CLTB: variants seen among roughly 807,000 people sequenced by gnomAD.
The protein encoded by CLTB is clathrin, light chain (Lcb).
A neutral mutation model predicts 30.5 loss-of-function variants in CLTB; 10 were observed. The observed-to-expected ratio is 0.33, with a 90% CI of 0.20 to 0.56. The LOEUF is 0.56. Ranked by LOEUF, CLTB falls within the 20% of genes least tolerant of loss-of-function variation. The pLI is 0.91. For synonymous variants in CLTB, 102 were observed against 120.3 expected, an observed-to-expected ratio of 0.85 and a Z score of 1.00; for missense variants, 261 against 308.3, an observed-to-expected ratio of 0.85 and a Z score of 1.15.
rs1220539969 is a variant in CLTB, at chr5:176,392,578, G to A, written c.*196C>T. 1.2e-5 allele frequency: 7 copies of A among 594,094 alleles called. No homozygotes were observed. Among genetic ancestry groups the A allele is most frequent in the South Asian group, 4.2e-5 (2 of 47,170 alleles). 36.8% of individuals were successfully genotyped at this position (594,094 alleles called of 1,614,324 possible). A position where few individuals can be genotyped will look rare whatever the true frequency, so the allele number is the denominator to read the frequency against. ...ACAATTGAGTAGACTGAGAGGAGGC[G>A]TGAGGGGCTGGACCAGAGGGCCAGG... On this transcript the variant is annotated 3_prime_UTR_variant, in exon 6 of 6. Coordinates refer to ENST00000310418, the MANE Select transcript of CLTB (RefSeq NM_007097.5). This position sits in a 1 kb window ranked among gnomAD's most constrained non-coding sequence, Gnocchi z 5.2.
intron 1 of CLTB, among the ~76,000 whole-genome samples, chr5:176,412,940 G>C (rs149008623): frequency 6.6e-6 from 1 of 152,042 alleles, no homozygotes; most frequent in Non-Finnish European, 1.5e-5. Context: ...TGGCCTTCTC[G>C]AGAATTTGCA....
chr5:176,408,588 A>G (rs1757255927), intron 2 of CLTB, among the ~76,000 whole-genome samples: 1 of 151,686 alleles, frequency 6.6e-6, no homozygotes, highest in African/African-American at 2.4e-5. Flanking sequence ...TAGTGTAATC[A>G]TAGTCACTGC....
rs1305091714 is a variant in CLTB at position 176,416,218 on chromosome 5, C to G, written c.146G>C (p.Gly49Ala). 2 of 1,598,280 alleles carry G rather than the reference C, an allele frequency of 1.3e-6. No individual in the cohort carries two copies. Among genetic ancestry groups the G allele is most frequent in the Admixed American group, 3.4e-5 (2 of 58,962 alleles). The change falls in exon 1 of 6, where the codon GGC (glycine) becomes GCC (alanine). Residue 49 changes from glycine (G) to alanine (A), a missense_variant. Transcript: ENST00000310418. ...CGGCTGCGCGGGGGCCGCATGGCTG[C>G]CGGCAGGTGCCCCGAAGCCCTCGTC... ...ENDEGFGAPA[G>A]SHAAPAQPGP...
chr5:176,416,324 C>G lies in CLTB; in HGVS notation c.40G>C (p.Gly14Arg). 1 of 1,602,260 alleles carries G rather than the reference C, an allele frequency of 6.2e-7. No individual in the cohort carries two copies. ...DFGFFSSSES[G>R]APEAAEEDPA... ...TCCTCCTCCGCCGCCTCCGGGGCAC[C>G]GCTCTCCGACGACGAGAAGAAGCCA... Residue 14 changes from glycine to arginine, a missense_variant, in exon 1 of 6, where the codon GGT becomes CGT. Transcript: ENST00000310418.
At chr5:176,410,507 C>T (rs960751465) in intron 1 of CLTB, among the ~76,000 whole-genome samples, 5 of 152,170 alleles carry the variant, frequency 3.3e-5, no homozygotes, top group Non-Finnish European at 7.3e-5. Context: ...GCCATTAGTA[C>T]ATTTTATGTT....
In CLTB at chr5:176,416,325, G is replaced by T; in HGVS notation, c.39C>A (p.Ser13Arg). ...CCTCCTCCGCCGCCTCCGGGGCACC[G>T]CTCTCCGACGACGAGAAGAAGCCAA... ...DDFGFFSSSESGAPEAAEEDP... is the reference protein window; with the variant it reads ...DDFGFFSSSERGAPEAAEEDP... The change falls in exon 1 of 6, where the codon AGC becomes AGA. Residue 13 changes from serine to arginine, a missense_variant. By Grantham distance (110) the Ser-to-Arg change is moderately radical. Transcript: ENST00000310418. 1 of 1,602,100 alleles carries T rather than the reference G, an allele frequency of 6.2e-7. No homozygotes were observed. Among genetic ancestry groups the T allele is most frequent in the Admixed American group, 1.7e-5 (1 of 59,294 alleles).
chr5:176,400,545 G>A (rs1756766525), intron 2 of CLTB, among the ~76,000 whole-genome samples: 1 of 152,160 alleles, frequency 6.6e-6, no homozygotes, highest in Non-Finnish European at 1.5e-5. Flanking sequence ...ACAAGGGTGT[G>A]GCACCCTCTG....
rs527572380 is a variant in CLTB, at chr5:176,412,032, C to T, written c.188-1729G>A. 5.9e-3 allele frequency among the ~76,000 whole-genome samples: 896 copies of T among 152,072 alleles called. 8 individuals are homozygous for T. The highest frequency in any genetic ancestry group is 0.021 in the African/African-American group (862 of 41,478). ...TCTACTAAAAATACAAAAAATTAGC[C>T]AGGCGTGGTGGCAGGCGCCTGTAGT... On this transcript the variant is annotated intron_variant, in intron 1 of 5. Transcript: ENST00000310418.
intron 5 of CLTB, among the ~76,000 whole-genome samples, chr5:176,394,723 A>G (rs186038037): frequency 0.027 from 4,053 of 152,134 alleles, 77 homozygotes; most frequent in African/African-American, 0.033. Flanking sequence ...GCCGAGGCAG[A>G]AGAATTGCTT....
rs1413370205 is a variant in CLTB, at chr5:176,410,288, A to C, written c.203T>G (p.Met68Arg). The change falls in exon 2 of 6, where the codon ATG becomes AGG. Residue 68 changes from methionine to arginine, a missense_variant. This residue lies in a region of CLTB where 113 missense variants were observed against 102.5 expected (regional missense o/e 1.10). Coordinates refer to ENST00000310418, the MANE Select transcript of CLTB (RefSeq NM_007097.5). ...CACATCTCCATTGACTGTGGTCCCC[A>C]TGTCCTCAGAACCAGCTGGAAAGAG... is the stretch of plus-strand genomic sequence containing the variant. ...GPTSGAGSED[M>R]GTTVNGDVFQ... is the part of the protein sequence containing the mutation. 1 of 1,613,982 alleles carries C rather than the reference A, an allele frequency of 6.2e-7. No individual in the cohort carries two copies. The highest frequency in any genetic ancestry group is 2.2e-5 in the East Asian group (1 of 44,878).
At chr5:176,403,809 G>T (rs1756964508) in intron 2 of CLTB, among the ~76,000 whole-genome samples, 1 of 152,116 alleles carries the variant, frequency 6.6e-6, no homozygotes, top group Non-Finnish European at 1.5e-5. Context: ...GTCCAGGCTG[G>T]AGTACAGTGG....
chr5:176,403,388 TA>T (rs1266761382), intron 2 of CLTB, among the ~76,000 whole-genome samples: 3 of 151,728 alleles, frequency 2.0e-5, no homozygotes, highest in Non-Finnish European at 1.5e-5. Flanking sequence ...AACTTGCATT[TA>T]AAGGGCTTTC....
intron 2 of CLTB, chr5:176,406,564 C>T (rs1437851002): frequency 7.8e-7 from 1 of 1,287,692 alleles, no homozygotes; most frequent in Non-Finnish European, 1.0e-6. Flanking sequence ...AGGATCTGTG[C>T]AGAGGTGGGG....
chr5:176,398,708 G>A (rs947357572), intron 2 of CLTB, among the ~76,000 whole-genome samples: 8 of 151,700 alleles, frequency 5.3e-5, no homozygotes, highest in South Asian at 2.1e-4. Flanking sequence ...GCAAAACCCC[G>A]TCTCAAAAAA....
chr5:176,405,800 C>T (rs1484492976), intron 2 of CLTB: 3 of 152,010 alleles, frequency 2.0e-5, no homozygotes, highest in Non-Finnish European at 4.4e-5. Flanking sequence ...AAGTCCCTTC[C>T]CTGGGCAGCT....
chr5:176,393,452 A>C lies in CLTB; in HGVS notation c.519-507T>G, dbSNP rs1163133892. On this transcript the variant is annotated intron_variant, in intron 5 of 5. Transcript: ENST00000310418. The surrounding 1 kb of genome is among the most constrained non-coding windows in gnomAD (Gnocchi z 4.4). ...CATTGCCTGAATGTTCTGTGTGAGGATTCTCCAGAAAGACTGTGGTCAAAT... is the reference window on the plus strand; with the variant it reads ...CATTGCCTGAATGTTCTGTGTGAGGCTTCTCCAGAAAGACTGTGGTCAAAT... Among the ~76,000 whole-genome samples, 1 of 152,212 alleles carries C rather than the reference A, an allele frequency of 6.6e-6. No homozygotes were observed. Among genetic ancestry groups the C allele is most frequent in the Non-Finnish European group, 1.5e-5 (1 of 68,036 alleles).
At chr5:176,408,953 C>T (rs1757279709) in intron 2 of CLTB, among the ~76,000 whole-genome samples, 1 of 151,618 alleles carries the variant, frequency 6.6e-6, no homozygotes, top group South Asian at 2.1e-4. Flanking sequence ...TGGTACACAT[C>T]CTTTCAGATA....
intron 2 of CLTB, among the ~76,000 whole-genome samples, chr5:176,409,583 T>C (rs931506944): frequency 6.6e-6 from 1 of 151,942 alleles, no homozygotes; most frequent in Non-Finnish European, 1.5e-5. Flanking sequence ...CTGGCTAATT[T>C]TCTGTATTTT....
At chr5:176,411,967 G>A (rs553835869) in intron 1 of CLTB, among the ~76,000 whole-genome samples, 1 of 152,142 alleles carries the variant, frequency 6.6e-6, no homozygotes, top group South Asian at 2.1e-4. Flanking sequence ...ACGAAGTCAG[G>A]AGATCGAGAC....
Sources: gnomAD v4.1 joint callset for allele counts (sites outside exome capture counted in the v4.1 genomes callset) on GRCh38, gnomAD v4.1.1 for gene constraint, gnomAD v4.1.1 regional missense constraint, Gnocchi (gnomAD v3.1) non-coding constraint, MANE v1.5 for transcripts, NCBI Gene and HGNC (gene_info 2026-07-23, HGNC 2026-07-21) for gene names.